The following RPS6KC1 variants were observed in gnomAD, a reference collection of about 807,000 sequenced individuals.
RPS6KC1 encodes the protein inactive ribosomal protein S6 kinase delta-1.
A neutral mutation model predicts 103.8 loss-of-function variants in RPS6KC1; 54 were observed. The observed-to-expected ratio is 0.52, with a 90% CI of 0.42 to 0.65. The LOEUF (loss-of-function observed/expected upper bound fraction) is 0.65. RPS6KC1 is among the 30% of genes least tolerant of loss of function. RPS6KC1 has a pLI of 0.00. For missense variants in RPS6KC1, 1,151 were observed against 1,253.8 expected, an observed-to-expected ratio of 0.92 and a Z score of 1.24; for synonymous variants, 439 against 438.7, an observed-to-expected ratio of 1.00 and a Z score of -0.01.
chr1:213,176,873 A>G (rs1044125798), intron 8 of RPS6KC1, among the ~76,000 whole-genome samples: 2 of 152,154 alleles, frequency 1.3e-5, no homozygotes, highest in African/African-American at 4.8e-5. Context: ...TGTAATTACC[A>G]TTTACTGAGC....
At chr1:213,068,686 G>A (rs969917370) in intron 1 of RPS6KC1, among the ~76,000 whole-genome samples, 1 of 151,630 alleles carries the variant, frequency 6.6e-6, no homozygotes, top group Non-Finnish European at 1.5e-5. Context: ...TGTCTAATTT[G>A]GTAGCCATTA....
chr1:213,097,269 A>G (rs931085682), intron 3 of RPS6KC1, among the ~76,000 whole-genome samples: 3 of 152,112 alleles, frequency 2.0e-5, no homozygotes, highest in Non-Finnish European at 2.9e-5. Flanking sequence ...CAGGAGAATC[A>G]CTTGAACCTG....
the RPS6KC1 span, among the ~76,000 whole-genome samples, chr1:213,664,200 C>CGGGGGGGGGG: frequency 3.6e-5 from 1 of 27,812 alleles, no homozygotes; most frequent in East Asian, 1.2e-3. Context: ...AGCGGGGGGG[C>CGGGGGGGGGG]GGGGTGGGGA....
chr1:213,399,211 C>T, the RPS6KC1 span, among the ~76,000 whole-genome samples: 7 of 152,140 alleles, frequency 4.6e-5, no homozygotes, highest in Non-Finnish European at 1.0e-4. Flanking sequence ...AGATATAGTC[C>T]CTGCCTTCCA....
chr1:213,543,301 C>T, the RPS6KC1 span, among the ~76,000 whole-genome samples: 6 of 152,086 alleles, frequency 3.9e-5, no homozygotes, highest in Admixed American at 6.6e-5. Context: ...TGGAGGCCAG[C>T]GGCACGGAGT....
At chr1:213,230,389 G>A in intron 8 of RPS6KC1, 108 bp from the exon 9 acceptor site, 1 of 663,800 alleles carries the variant, frequency 1.5e-6, no homozygotes, top group Non-Finnish European at 2.5e-6. Flanking sequence ...ACAATTTTGG[G>A]GAGGGGATTA....
the RPS6KC1 span, among the ~76,000 whole-genome samples, chr1:213,683,082 A>C: frequency 6.6e-6 from 1 of 152,218 alleles, no homozygotes; most frequent in Non-Finnish European, 1.5e-5. Context: ...TACAATTACA[A>C]ATAAGACTGC....
the RPS6KC1 span, among the ~76,000 whole-genome samples, chr1:213,540,621 G>A: frequency 2.1e-3 from 319 of 152,318 alleles, 1 homozygote; most frequent in African/African-American, 7.3e-3. Flanking sequence ...AAAGTGTTGG[G>A]ATTGCAGGCA....
the RPS6KC1 span, among the ~76,000 whole-genome samples, chr1:213,341,144 C>G: frequency 6.6e-6 from 1 of 152,214 alleles, no homozygotes; most frequent in Non-Finnish European, 1.5e-5. Flanking sequence ...GAAGCTCCTG[C>G]TCATAGACCT....
the RPS6KC1 span, among the ~76,000 whole-genome samples, chr1:213,606,816 G>C: frequency 6.6e-6 from 1 of 152,184 alleles, no homozygotes; most frequent in Non-Finnish European, 1.5e-5. Context: ...TTCCAGGAGA[G>C]AGCAGATATT....
At chr1:213,542,624 T>C in the RPS6KC1 span, among the ~76,000 whole-genome samples, 1 of 152,242 alleles carries the variant, frequency 6.6e-6, no homozygotes, top group African/African-American at 2.4e-5. Context: ...ATGAAAAAAC[T>C]AGGCATACTT....
chr1:213,780,623 C>T, the RPS6KC1 span, among the ~76,000 whole-genome samples: 2 of 152,152 alleles, frequency 1.3e-5, no homozygotes, highest in Non-Finnish European at 2.9e-5. Flanking sequence ...TTCCAACCAG[C>T]ACCATGAAGG....
the RPS6KC1 span, among the ~76,000 whole-genome samples, chr1:213,464,570 T>A: frequency 6.6e-6 from 1 of 152,200 alleles, no homozygotes; most frequent in Non-Finnish European, 1.5e-5. Flanking sequence ...CATTAGTTTC[T>A]GAGTGTATCT....
At chr1:213,388,450 G>A in the RPS6KC1 span, among the ~76,000 whole-genome samples, 16 of 152,218 alleles carry the variant, frequency 1.1e-4, no homozygotes, top group Non-Finnish European at 2.2e-4. Context: ...GTGGGGGCCT[G>A]GTGGGGGGCA....
chr1:213,776,207 A>G, the RPS6KC1 span, among the ~76,000 whole-genome samples: 1 of 152,170 alleles, frequency 6.6e-6, no homozygotes, highest in African/African-American at 2.4e-5. Flanking sequence ...AGTGTTCTTA[A>G]TGGCATCTAA....
chr1:213,537,935 G>A, the RPS6KC1 span, among the ~76,000 whole-genome samples: 1 of 152,182 alleles, frequency 6.6e-6, no homozygotes, highest in East Asian at 1.9e-4. Flanking sequence ...GATTAGGTAT[G>A]AAGAATAATA....
At chr1:213,759,368 C>A in the RPS6KC1 span, among the ~76,000 whole-genome samples, 1 of 152,160 alleles carries the variant, frequency 6.6e-6, no homozygotes, top group African/African-American at 2.4e-5. Context: ...ATGTGACTTG[C>A]TTTATTGTGA....
At chr1:213,319,574 CAT>C in the RPS6KC1 span, among the ~76,000 whole-genome samples, 1 of 152,206 alleles carries the variant, frequency 6.6e-6, no homozygotes, top group Non-Finnish European at 1.5e-5. Flanking sequence ...AGCAAGAACA[CAT>C]TGCCAGAATT....
intron 1 of RPS6KC1, among the ~76,000 whole-genome samples, chr1:213,068,199 A>C (rs368189654): frequency 5.9e-5 from 9 of 152,154 alleles, no homozygotes; most frequent in Admixed American, 2.0e-4. Flanking sequence ...TAAAAATGTA[A>C]GAACGGCGGG....
Sources: allele counts gnomAD v4.1 joint callset (sites outside exome capture counted in the v4.1 genomes callset), GRCh38; gene constraint gnomAD v4.1.1; transcripts MANE v1.5; gene names NCBI Gene and HGNC (gene_info 2026-07-23, HGNC 2026-07-21).